Variants in TAOK3 observed in about 807,000 individuals in gnomAD.
The protein encoded by TAOK3 is TAO kinase 3.
TAOK3 carries 40 observed loss-of-function variants against 120.4 expected under a neutral mutation model. That is an observed-to-expected ratio of 0.33 (90% confidence interval 0.26 to 0.43). The LOEUF (loss-of-function observed/expected upper bound fraction) is 0.43. Among genes scored for constraint, TAOK3 ranks in the 20% least tolerant of loss-of-function variants. The pLI is 1.00. For synonymous variants in TAOK3, 355 were observed against 387.5 expected, an observed-to-expected ratio of 0.92 and a Z score of 0.99; for missense variants, 821 against 1,112.1, an observed-to-expected ratio of 0.74 and a Z score of 3.72.
chr12:118,301,056 G>A (rs1405861604), intron 1 of TAOK3, among the ~76,000 whole-genome samples: 2 of 152,166 alleles, frequency 1.3e-5, no homozygotes, highest in African/African-American at 4.8e-5. Context: ...GATTACAGGC[G>A]TGAGCCACTG....
intron 1 of TAOK3, among the ~76,000 whole-genome samples, chr12:118,298,713 T>C (rs2042771478): frequency 6.6e-6 from 1 of 152,200 alleles, no homozygotes; most frequent in African/African-American, 2.4e-5. Context: ...ACATGCAATG[T>C]TTCTAAATTG....
In TAOK3 at chr12:118,152,209, CT is replaced by C; in HGVS notation, c.2535+17del. ...CCTTCCACCCAGTGGCACCGGACCC[CT>C]GGTAATGCTCCCTTACCTTCTGCTC... On this transcript the variant is annotated intron_variant, in intron 20 of 20. Coordinates refer to ENST00000392533, the MANE Select transcript of TAOK3 (RefSeq NM_016281.4). 6.2e-7 allele frequency: 1 copy of C among 1,603,808 alleles called. No homozygotes were observed.
chr12:118,204,920 C>A (rs1362439075), intron 11 of TAOK3, among the ~76,000 whole-genome samples: 1 of 151,660 alleles, frequency 6.6e-6, no homozygotes, highest in Non-Finnish European at 1.5e-5. Context: ...GTAATCCCAG[C>A]ACTTGGGGAG....
chr12:118,309,143 A>G (rs922951657), intron 1 of TAOK3, among the ~76,000 whole-genome samples: 1 of 151,834 alleles, frequency 6.6e-6, no homozygotes, highest in African/African-American at 2.4e-5. Context: ...AGCCTGGCCA[A>G]CGTGGCGAAA....
rs368100134 is a variant in TAOK3, at chr12:118,243,395, A to G, written c.294+20T>C. The G allele has an allele frequency of 7.6e-7, 1 of 1,324,354 alleles. No individual in the cohort carries two copies. The highest frequency in any genetic ancestry group is 1.1e-6 in the Non-Finnish European group (1 of 936,844). 82.0% of individuals were successfully genotyped at this position (1,324,354 alleles called of 1,614,324 possible). A position where few individuals can be genotyped will look rare whatever the true frequency, so the allele number is the denominator to read the frequency against. ...GAAAAAAATGTAATAGTAAAAGATA[A>G]TAGAGGTCCTTCGACTTACCCAAGC... On this transcript the variant is annotated intron_variant, in intron 5 of 20. Transcript: ENST00000392533.
intron 1 of TAOK3, among the ~76,000 whole-genome samples, chr12:118,301,041 G>A (rs761609398): frequency 1.9e-4 from 29 of 152,134 alleles, no homozygotes; most frequent in Non-Finnish European, 3.4e-4. Context: ...CTCCCAAAGT[G>A]CTGGGATTAC....
At position 118,152,344 on chromosome 12, in the gene TAOK3, C is replaced by T; in HGVS notation, c.2418G>A (p.Met806Ile). The change falls in exon 20 of 21, where the codon ATG (methionine) becomes ATA (isoleucine). Residue 806 changes from methionine (M) to isoleucine (I), a missense_variant. By Grantham distance (10) the Met-to-Ile change is conservative (BLOSUM62 1). Around this residue, in one of 2 missense-constraint regions of TAOK3, gnomAD observed 354 missense variants for 572.1 expected, o/e 0.62. Transcript: ENST00000392533. ...TGCTCTGGTAGGCGTTGAGCAGCTC[C>T]ATTTCCTGCTGGAGCTGTAGCCTCA... ...QALRLQLQQE[M>I]ELLNAYQSKI... 6.2e-7 allele frequency: 1 copy of T among 1,614,128 alleles called. No homozygotes were observed. The highest frequency in any genetic ancestry group is 1.3e-5 in the African/African-American group (1 of 75,044).
intron 16 of TAOK3, among the ~76,000 whole-genome samples, chr12:118,176,798 C>T (rs543531561): frequency 6.6e-6 from 1 of 151,134 alleles, no homozygotes; most frequent in African/African-American, 2.4e-5. Context: ...CAGAGTTTTG[C>T]TCTTGTCGCC....
In TAOK3 at chr12:118,160,107, A is replaced by G. The variant is rs2035118329; in HGVS notation, c.2352+39T>C. The G allele has an allele frequency of 1.3e-6, 2 of 1,504,470 alleles. No homozygotes were observed. Among genetic ancestry groups the G allele is most frequent in the Non-Finnish European group, 1.8e-6 (2 of 1,081,120 alleles). The allele number at this position is 1,504,470 out of a possible 1,614,324, so 93.2% of individuals were successfully genotyped here. The stretch of plus-strand genomic sequence containing the variant: ...TGGATCTTGGATTTTCTTGATTCCC[A>G]AAGCTCTCGAAGCCGTGGCACCAAA... On this transcript the variant is annotated intron_variant, in intron 19 of 20. Transcript: ENST00000392533. This position sits in a 1 kb window ranked among gnomAD's most constrained non-coding sequence, Gnocchi z 4.2.
At chr12:118,288,261 A>G (rs930806824) in intron 1 of TAOK3, among the ~76,000 whole-genome samples, 1 of 152,066 alleles carries the variant, frequency 6.6e-6, no homozygotes, top group African/African-American at 2.4e-5. Flanking sequence ...AGGTTCTGCT[A>G]TGGACTGAAT....
At chr12:118,182,619 ATATATTTTTTT>A (rs978451743) in intron 14 of TAOK3, among the ~76,000 whole-genome samples, 4 of 94,828 alleles carry the variant, frequency 4.2e-5, no homozygotes, top group African/African-American at 2.0e-4. Context: ...ATATATATAT[ATATATTTTTTT>A]TTTTTTTTAA....
chr12:118,223,069 T>TC (rs1200444744), intron 9 of TAOK3, among the ~76,000 whole-genome samples: 1 of 105,926 alleles, frequency 9.4e-6, no homozygotes, highest in Non-Finnish European at 2.1e-5. Context: ...TTTCTTTTTT[T>TC]TTTTTTTTTT....
chr12:118,324,050 T>C (rs1447220971), intron 1 of TAOK3, among the ~76,000 whole-genome samples: 1 of 152,222 alleles, frequency 6.6e-6, no homozygotes, highest in East Asian at 1.9e-4. Flanking sequence ...ATGTAAGCAC[T>C]GTCTGCTGAG....
At position 118,201,322 on chromosome 12, in the gene TAOK3, A is replaced by G. The variant is rs769787783; in HGVS notation, c.961T>C (p.Leu321=). The G allele has an allele frequency of 1.2e-5, 20 of 1,613,770 alleles. No homozygotes were observed. The highest frequency in any genetic ancestry group is 1.6e-5 in the Non-Finnish European group (19 of 1,179,806). Residue 321 remains leucine, a synonymous_variant, in exon 12 of 21, where the codon TTG becomes CTG. Transcript: ENST00000392533. ...ILFQETRNGP[L]NESQEDEEDS... ...TCCTCATCCTCCTGTGACTCATTCA[A>G]GGGTCCATTCCGTGTCTCTTGGAAA...
intron 1 of TAOK3, among the ~76,000 whole-genome samples, chr12:118,282,910 C>T (rs185911215): frequency 6.6e-5 from 10 of 152,338 alleles, no homozygotes; most frequent in Admixed American, 6.5e-4. Flanking sequence ...AGGAAGAACA[C>T]TGGCTTCCAC....
chr12:118,162,434 A>T (rs546898240), intron 17 of TAOK3, among the ~76,000 whole-genome samples: 1 of 152,168 alleles, frequency 6.6e-6, no homozygotes, highest in African/African-American at 2.4e-5. Context: ...CTTTTCAAAC[A>T]TAAGATGCTT....
intron 1 of TAOK3, among the ~76,000 whole-genome samples, chr12:118,303,799 C>A (rs963819301): frequency 1.3e-5 from 2 of 152,146 alleles, no homozygotes; most frequent in African/African-American, 2.4e-5. Context: ...AGGCACCTGC[C>A]AGCATACCCA....
intron 1 of TAOK3, among the ~76,000 whole-genome samples, chr12:118,286,243 G>A (rs1385077820): frequency 1.3e-5 from 2 of 152,158 alleles, no homozygotes; most frequent in African/African-American, 2.4e-5. Context: ...TAGTTTAATA[G>A]TAATGACTTA....
At chr12:118,242,316 C>G (rs1425423891) in intron 5 of TAOK3, among the ~76,000 whole-genome samples, 2 of 152,074 alleles carry the variant, frequency 1.3e-5, no homozygotes, top group Non-Finnish European at 2.9e-5. Context: ...AGCAATAGCT[C>G]TACATAAAAG....
Sources: allele counts gnomAD v4.1 joint callset (sites outside exome capture counted in the v4.1 genomes callset), GRCh38; gene constraint gnomAD v4.1.1; regional missense constraint gnomAD v4.1.1; non-coding constraint Gnocchi (gnomAD v3.1); transcripts MANE v1.5; gene names NCBI Gene and HGNC (gene_info 2026-07-23, HGNC 2026-07-21).